ADGRG3: variants seen among roughly 807,000 people sequenced by gnomAD.
ADGRG3 encodes the protein adhesion G protein-coupled receptor G3.
ADGRG3 carries 39 observed loss-of-function variants against 54.3 expected under a neutral mutation model. The observed-to-expected ratio is 0.72, with a 90% CI of 0.56 to 0.94. The LOEUF (loss-of-function observed/expected upper bound fraction) is 0.94. Ranked by LOEUF, ADGRG3 falls within the 40% of genes least tolerant of loss-of-function variation. ADGRG3 has a pLI of 0.00. For synonymous variants in ADGRG3, 312 were observed against 290.0 expected, an observed-to-expected ratio of 1.08 and a Z score of -0.77; for missense variants, 654 against 694.6, an observed-to-expected ratio of 0.94 and a Z score of 0.66.
At position 57,679,223 on chromosome 16, in the gene ADGRG3, G is replaced by A. The variant is rs149201757; in HGVS notation, c.539G>A (p.Arg180His). The A allele has an allele frequency of 1.2e-4, 191 of 1,613,848 alleles. No homozygotes were observed. The highest frequency in any genetic ancestry group is 1.5e-4 in the Non-Finnish European group (180 of 1,179,934). The change falls in exon 5 of 12, where the codon CGC becomes CAC. Residue 180 changes from arginine (R) to histidine (H), a missense_variant. Arg to His is a conservative substitution (Grantham distance 29). Transcript: ENST00000333493. ...LGDGSGVLNNRLVGLSVGQMH... is the reference protein window; with the variant it reads ...LGDGSGVLNNHLVGLSVGQMH... ...GATGGCAGCGGCGTGTTGAACAATC[G>A]CCTGGTGGGTTTGAGTGTGGGACAA... is the stretch of plus-strand genomic sequence containing the variant.
chr16:57,686,374 C>T (rs1250515076), intron 11 of ADGRG3, among the ~76,000 whole-genome samples: 2 of 152,142 alleles, frequency 1.3e-5, no homozygotes, highest in African/African-American at 4.8e-5. Context: ...TGAGCACTCA[C>T]TCATCACCAA....
Position 57,678,326 on chromosome 16 carries a change from C to A in ADGRG3, c.492+10C>A. On this transcript the variant is annotated intron_variant, in intron 4 of 11. Coordinates refer to ENST00000333493, the MANE Select transcript of ADGRG3 (RefSeq NM_170776.5). ...AGGGACTCTCTTCAAGGTGAGGACTCAGGGAAGCTCCAAGGTTAAGTGCTA... is the reference window on the plus strand; with the variant it reads ...AGGGACTCTCTTCAAGGTGAGGACTAAGGGAAGCTCCAAGGTTAAGTGCTA... 6.2e-7 allele frequency: 1 copy of A among 1,613,976 alleles called. No individual in the cohort carries two copies. Among genetic ancestry groups the A allele is most frequent in the Non-Finnish European group, 8.5e-7 (1 of 1,179,848 alleles).
chr16:57,686,656 T>G (rs1014796234), intron 11 of ADGRG3: 2 of 152,218 alleles, frequency 1.3e-5, no homozygotes, highest in African/African-American at 4.8e-5. Context: ...CCACTTACCC[T>G]TTACTACCCA....
At chr16:57,673,733 G>C (rs2048205529) in intron 2 of ADGRG3, among the ~76,000 whole-genome samples, 1 of 152,144 alleles carries the variant, frequency 6.6e-6, no homozygotes, top group African/African-American at 2.4e-5. Flanking sequence ...CCCAAATAAT[G>C]ATGACTCCAG....
chr16:57,683,829 G>T (rs1390538675), intron 8 of ADGRG3, 103 bp from the exon 9 acceptor site: 12 of 839,576 alleles, frequency 1.4e-5, no homozygotes, highest in Non-Finnish European at 1.9e-5. Flanking sequence ...GCTGGCAGTG[G>T]GGGTGGAGAG....
intron 11 of ADGRG3, among the ~76,000 whole-genome samples, chr16:57,687,234 G>T (rs1965229): frequency 6.6e-6 from 1 of 151,534 alleles, no homozygotes; most frequent in East Asian, 1.9e-4. Context: ...GGATAATCCC[G>T]TACTTATCTC....
In ADGRG3 at chr16:57,678,059, C is replaced by G. The variant is rs1420169597; in HGVS notation, c.346-111C>G. 4 of 1,348,130 alleles carry G rather than the reference C, an allele frequency of 3.0e-6. No individual in the cohort carries two copies. The Admixed American group carries it at 5.6e-5, about 19-fold the overall frequency. 83.5% of individuals were successfully genotyped at this position (1,348,130 alleles called of 1,614,324 possible). On this transcript the variant is annotated intron_variant, in intron 3 of 11. Transcript: ENST00000333493. ...TCCTGCCTCTCAGAGCTGACAGTCC[C>G]CAGGTGCTGCCCCCTACCCAGTGTG...
chr16:57,685,497 C>A (rs2048456303), intron 10 of ADGRG3, 146 bp from the exon 11 acceptor site: 2 of 729,784 alleles, frequency 2.7e-6, no homozygotes, highest in Non-Finnish European at 4.6e-6. Flanking sequence ...CAGGTGACGG[C>A]CCCTCCCACA....
At chr16:57,669,488 C>T (rs1456093424) in intron 1 of ADGRG3, among the ~76,000 whole-genome samples, 5 of 152,170 alleles carry the variant, frequency 3.3e-5, no homozygotes, top group African/African-American at 9.7e-5. Context: ...GGCTCATGGG[C>T]GTCCTCAGGT....
intron 3 of ADGRG3, 53 bp from the exon 4 acceptor site, chr16:57,678,117 G>GACTC: frequency 6.3e-7 from 1 of 1,596,708 alleles, no homozygotes; most frequent in Non-Finnish European, 8.6e-7. Context: ...GGAGTGGCAG[G>GACTC]ACTCGTGTTG....
chr16:57,668,243 C>A (rs1489136839), upstream of ADGRG3: 4 of 886,682 alleles, frequency 4.5e-6, no homozygotes, highest in African/African-American at 1.7e-5. Flanking sequence ...ACACAGGAAG[C>A]CAGAGTGGTG....
At chr16:57,674,375 T>C (rs754781684) in intron 2 of ADGRG3, among the ~76,000 whole-genome samples, 67 of 152,180 alleles carry the variant, frequency 4.4e-4, no homozygotes, top group Non-Finnish European at 8.5e-4. Context: ...TCCAAAAATA[T>C]CTCTGCCTCT....
intron 11 of ADGRG3, among the ~76,000 whole-genome samples, chr16:57,686,254 T>A (rs1196647678): frequency 6.6e-6 from 1 of 152,096 alleles, no homozygotes; most frequent in Non-Finnish European, 1.5e-5. Flanking sequence ...AAGCTTCCAA[T>A]CATGGTGGAA....
At chr16:57,678,490 A>G (rs1426890386) in intron 4 of ADGRG3, 174 bp downstream of exon 4, 1 of 622,712 alleles carries the variant, frequency 1.6e-6, no homozygotes, top group African/African-American at 1.8e-5. Context: ...ACTAGAGTCT[A>G]TGGTCTTCAG....
chr16:57,676,200 A>G lies in ADGRG3; in HGVS notation c.207A>G (p.Arg69=). Residue 69 remains arginine, a splice_region_variant and synonymous_variant, in exon 3 of 12, where the codon AGA becomes AGG. Coordinates refer to ENST00000333493, the MANE Select transcript of ADGRG3 (RefSeq NM_170776.5). ...SDSCNVENLQ[R]YWLNYEAHLM... is the part of the protein sequence containing the mutation. ...TCCCCCCATCCCTGGCCCTTTGCAG[A>G]TACTGGCTAAACTACGAGGCCCATC... 5 of 1,613,822 alleles carry G rather than the reference A, an allele frequency of 3.1e-6. No individual in the cohort carries two copies. Among genetic ancestry groups the G allele is most frequent in the Non-Finnish European group, 4.2e-6 (5 of 1,179,850 alleles).
At chr16:57,683,883 C>G in intron 8 of ADGRG3, 49 bp from the exon 9 acceptor site, 1 of 1,484,948 alleles carries the variant, frequency 6.7e-7, no homozygotes, top group Non-Finnish European at 9.0e-7. Context: ...CTCATGGGAG[C>G]TCCCCATGGG....
At chr16:57,677,735 G>C (rs1241871544) in intron 3 of ADGRG3, among the ~76,000 whole-genome samples, 1 of 152,106 alleles carries the variant, frequency 6.6e-6, no homozygotes, top group East Asian at 1.9e-4. Context: ...TTGTTCTCTC[G>C]CTTCCTGAAC....
At chr16:57,666,044 CAG>C (rs1409721903), upstream of ADGRG3, among the ~76,000 whole-genome samples, 1 of 151,392 alleles carries the variant, frequency 6.6e-6, no homozygotes, top group Non-Finnish European at 1.5e-5. Flanking sequence ...CTCCAAAGGA[CAG>C]AGGCCAAACC....
At chr16:57,679,373 G>A in intron 5 of ADGRG3, 62 bp downstream of exon 5, 3 of 1,554,834 alleles carry the variant, frequency 1.9e-6, no homozygotes, top group Non-Finnish European at 2.7e-6. Flanking sequence ...GGCACACCTG[G>A]GCCCATGGGC....
Sources: allele counts gnomAD v4.1 joint callset (sites outside exome capture counted in the v4.1 genomes callset), GRCh38; gene constraint gnomAD v4.1.1; transcripts MANE v1.5; gene names NCBI Gene and HGNC (gene_info 2026-07-23, HGNC 2026-07-21).